Variants in WWC2 observed in about 807,000 individuals in gnomAD.
WWC2 encodes the protein protein WWC2.
A neutral mutation model predicts 138.5 loss-of-function variants in WWC2; 101 were observed. That is an observed-to-expected ratio of 0.73 (90% CI 0.62 to 0.86). The LOEUF (loss-of-function observed/expected upper bound fraction) is 0.86. Ranked by LOEUF, WWC2 falls within the 40% of genes least tolerant of loss-of-function variation. The pLI, the probability that WWC2 is intolerant of heterozygous loss-of-function variation, is 0.00. For missense variants in WWC2, 1,420 were observed against 1,419.4 expected (o/e 1.00, Z -0.01); for synonymous variants, 558 against 538.4 (o/e 1.04, Z -0.50).
At chr4:183,107,505 G>A (rs1261121318) in intron 1 of WWC2, among the ~76,000 whole-genome samples, 3 of 152,126 alleles carry the variant, frequency 2.0e-5, no homozygotes, top group Non-Finnish European at 4.4e-5. Flanking sequence ...GGATCTTACT[G>A]TGGTGTTGAT....
At chr4:183,119,154 G>T (rs551270676) in intron 1 of WWC2, among the ~76,000 whole-genome samples, 2 of 152,288 alleles carry the variant, frequency 1.3e-5, no homozygotes, top group East Asian at 3.9e-4. Context: ...AGTGGTGGTA[G>T]TGAAGGACAC....
At chr4:183,132,851 C>G (rs1732970430) in intron 1 of WWC2, among the ~76,000 whole-genome samples, 1 of 152,052 alleles carries the variant, frequency 6.6e-6, no homozygotes, top group South Asian at 2.1e-4. Context: ...ATCAAGCCAA[C>G]TTTACATTCT....
At chr4:183,201,133 T>A (rs746457432) in intron 2 of WWC2, among the ~76,000 whole-genome samples, 1 of 152,160 alleles carries the variant, frequency 6.6e-6, no homozygotes, top group Non-Finnish European at 1.5e-5. Flanking sequence ...TTTGGACTCT[T>A]ATTGACTGAT....
chr4:183,111,621 A>G (rs1312786999), intron 1 of WWC2, among the ~76,000 whole-genome samples: 1 of 151,848 alleles, frequency 6.6e-6, no homozygotes, highest in Non-Finnish European at 1.5e-5. Context: ...AATTCTGTCC[A>G]TACCATATGT....
At position 183,319,970 on chromosome 4, in the gene WWC2, T is replaced by G; in HGVS notation, c.*4241T>G. 6.2e-7 allele frequency: 1 copy of G among 1,613,446 alleles called. No homozygotes were observed. Among genetic ancestry groups the G allele is most frequent in the Non-Finnish European group, 8.5e-7 (1 of 1,179,668 alleles). On this transcript the variant is annotated 3_prime_UTR_variant, in exon 23 of 23. Coordinates refer to ENST00000403733, the MANE Select transcript of WWC2 (RefSeq NM_024949.6). ...ATCCCAGCCCATTTGACAGAAACAT[T>G]AAGATCCTGGAGACCCTGAGTTCAG...
intron 4 of WWC2, among the ~76,000 whole-genome samples, chr4:183,218,684 A>G (rs991143418): frequency 1.3e-5 from 2 of 152,178 alleles, no homozygotes; most frequent in Middle Eastern, 3.2e-3. Context: ...GATGGTGCAG[A>G]TGAAGTCTGA....
intron 1 of WWC2, among the ~76,000 whole-genome samples, chr4:183,104,235 C>T (rs531403721): frequency 3.4e-4 from 52 of 152,220 alleles, no homozygotes; most frequent in African/African-American, 1.2e-3. Context: ...CTGGAGTCCC[C>T]GATTGCTTAT....
chr4:183,300,734 G>A lies in WWC2; in HGVS notation c.3384+11099G>A, dbSNP rs192506197. Among the ~76,000 whole-genome samples the A allele has an allele frequency of 4.0e-5, 6 of 150,344 alleles. No homozygotes were observed. In the East Asian group the frequency reaches 7.8e-4, roughly 20 times the overall value. ...CTCAGCAGGGAAGGAAATATCTTCC[G>A]GTGTTCCCTGGTCAGCTTTTTTTTT... On this transcript the variant is annotated intron_variant, in intron 21 of 22. Coordinates refer to ENST00000403733, the MANE Select transcript of WWC2 (RefSeq NM_024949.6).
At chr4:183,266,041 G>A (rs1321253109) in intron 14 of WWC2, 90 bp downstream of exon 14, 8 of 1,249,438 alleles carry the variant, frequency 6.4e-6, no homozygotes, top group African/African-American at 3.0e-5. Flanking sequence ...TCATCAAAAT[G>A]AAGATACGGA....
intron 5 of WWC2, 118 bp from the exon 6 acceptor site, chr4:183,245,298 G>T: frequency 8.8e-6 from 6 of 683,600 alleles, no homozygotes; most frequent in Admixed American, 4.9e-5. Flanking sequence ...GCTGGTATAT[G>T]ACAGTCAGCA....
rs1554067851 is a variant in WWC2, at chr4:183,155,189, G to GGGGAGAGAGAGAGAGAGAGAGAGAGA, written c.132-38409_132-38408insGGAGAGAGAGAGAGAGAGAGAGAGAG. On this transcript the variant is annotated intron_variant, in intron 1 of 22. Transcript: ENST00000403733. ...AAGTTCTAATGACTTCATCTTCTGAGGAGAGAGAGAGAGAGAGAGAGAGAG... is the reference window on the plus strand; with the variant it reads ...AAGTTCTAATGACTTCATCTTCTGAGGGGAGAGAGAGAGAGAGAGAGAGAGAGAGAGAGAGAGAGAGAGAGAGAGAG... Among the ~76,000 whole-genome samples, 8 of 103,724 alleles carry GGGGAGAGAGAGAGAGAGAGAGAGAGA rather than the reference G, an allele frequency of 7.7e-5. 1 individual carries two copies. Among genetic ancestry groups the GGGGAGAGAGAGAGAGAGAGAGAGAGA allele is most frequent in the African/African-American group, 2.7e-4 (8 of 29,194 alleles). 68.0% of individuals were successfully genotyped at this position (103,724 alleles called of 152,430 possible). A position where few individuals can be genotyped will look rare whatever the true frequency, so the allele number is the denominator to read the frequency against.
At chr4:183,125,024 C>T (rs1280885167) in intron 1 of WWC2, among the ~76,000 whole-genome samples, 1 of 152,130 alleles carries the variant, frequency 6.6e-6, no homozygotes, top group Non-Finnish European at 1.5e-5. Context: ...TCACCATTGC[C>T]AGGGTGTTTG....
chr4:183,214,334 A>T (rs527309031), intron 4 of WWC2, among the ~76,000 whole-genome samples: 1 of 152,326 alleles, frequency 6.6e-6, no homozygotes, highest in African/African-American at 2.4e-5. Flanking sequence ...AAAGTCATCC[A>T]CAGTCTTAGC....
intron 4 of WWC2, among the ~76,000 whole-genome samples, chr4:183,225,798 A>G (rs1440444698): frequency 6.6e-6 from 1 of 152,212 alleles, no homozygotes; most frequent in African/African-American, 2.4e-5. Flanking sequence ...AAACAAAACA[A>G]ACAAAAGTAA....
At chr4:183,275,855 C>T (rs1240702028) in intron 16 of WWC2, among the ~76,000 whole-genome samples, 2 of 152,086 alleles carry the variant, frequency 1.3e-5, no homozygotes, top group Non-Finnish European at 2.9e-5. Context: ...CTTCTGTAAA[C>T]GTTTCATAGA....
chr4:183,280,229 G>GTTTTTTTTTT (rs869235261), intron 16 of WWC2, among the ~76,000 whole-genome samples: 25 of 65,450 alleles, frequency 3.8e-4, no homozygotes, highest in East Asian at 5.7e-4. Context: ...GATAGCAGCT[G>GTTTTTTTTTT]TTTTTTTTTT....
chr4:183,303,578 A>C (rs750274157), intron 21 of WWC2, among the ~76,000 whole-genome samples: 30 of 152,210 alleles, frequency 2.0e-4, no homozygotes, highest in Non-Finnish European at 3.2e-4. Flanking sequence ...TAGGAGGAGT[A>C]ACAAGTAGCA....
At chr4:183,259,486 C>G (rs1450627649) in intron 9 of WWC2, among the ~76,000 whole-genome samples, 153 bp from the exon 10 acceptor site, 1 of 152,202 alleles carries the variant, frequency 6.6e-6, no homozygotes, top group African/African-American at 2.4e-5. Context: ...GCTCTGCCCC[C>G]CACACTTCTT....
chr4:183,317,908 G>A lies in WWC2; in HGVS notation c.*2179G>A, dbSNP rs1463590509. ...CACAAAATTTCCTCATTTCTAACAT[G>A]AGAGATGAACTTATTTTAATATAAT... On this transcript the variant is annotated 3_prime_UTR_variant, in exon 23 of 23. Transcript: ENST00000403733. 6.6e-6 allele frequency: 1 copy of A among 152,136 alleles called. No homozygotes were observed. Among genetic ancestry groups the A allele is most frequent in the Non-Finnish European group, 1.5e-5 (1 of 68,004 alleles). The allele number at this position is 152,136 out of a possible 1,614,324, so 9.4% of individuals were successfully genotyped here.
Sources: allele counts gnomAD v4.1 joint callset (sites outside exome capture counted in the v4.1 genomes callset), GRCh38; gene constraint gnomAD v4.1.1; transcripts MANE v1.5; gene names NCBI Gene and HGNC (gene_info 2026-07-23, HGNC 2026-07-21).